Variants in HDAC9 observed in about 807,000 individuals in gnomAD.
HDAC9 encodes histone deacetylase 9.
Under a neutral mutation model 139.4 loss-of-function variants are expected in HDAC9, and 41 were observed. The ratio of observed to expected loss-of-function variants is 0.29; its 90% confidence interval spans 0.23 to 0.38. HDAC9 has a LOEUF of 0.38. HDAC9 is among the 10% of genes least tolerant of loss of function. The pLI is 1.00. For synonymous variants in HDAC9, 517 were observed against 476.2 expected, an observed-to-expected ratio of 1.09 and a Z score of -1.12; for missense variants, 1,147 against 1,297.0, an observed-to-expected ratio of 0.88 and a Z score of 1.78.
chr7:18,939,522 A>T (rs1359590021), intron 23 of HDAC9, among the ~76,000 whole-genome samples: 1 of 152,206 alleles, frequency 6.6e-6, no homozygotes. Context: ...CATTGACAAT[A>T]TAATTTATAA....
At chr7:18,877,481 C>A (rs540056885) in intron 22 of HDAC9, among the ~76,000 whole-genome samples, 1 of 152,096 alleles carries the variant, frequency 6.6e-6, no homozygotes, top group African/African-American at 2.4e-5. Flanking sequence ...AGTTCTTCTC[C>A]CCGTGTTTTC....
intron 12 of HDAC9, among the ~76,000 whole-genome samples, chr7:18,689,233 A>C (rs555450879): frequency 6.6e-6 from 1 of 151,832 alleles, no homozygotes; most frequent in Non-Finnish European, 1.5e-5. Context: ...GCAACTTCCA[A>C]ATGAATACAT....
At chr7:18,322,430 C>T (rs1264219330) in intron 1 of HDAC9, among the ~76,000 whole-genome samples, 2 of 152,100 alleles carry the variant, frequency 1.3e-5, no homozygotes, top group African/African-American at 4.8e-5. Flanking sequence ...ATTTTACCTC[C>T]AAGAGTATAG....
intron 17 of HDAC9, among the ~76,000 whole-genome samples, chr7:18,823,959 C>G (rs1795182608): frequency 6.7e-6 from 1 of 149,532 alleles, no homozygotes; most frequent in Admixed American, 6.7e-5. Flanking sequence ...GCCTGGGTGA[C>G]AGGGCAAGAC....
rs62446979 is a variant in HDAC9, at chr7:18,482,665, C to G, written c.-41-13597C>G. The stretch of plus-strand genomic sequence containing the variant: ...TTATTTATTTTTTTTCTTAGAGAAG[C>G]ATCACACATTTTTAAGACATTTTTT... On this transcript the variant is annotated intron_variant, in intron 1 of 3. Transcript: ENST00000413509. Among the ~76,000 whole-genome samples the G allele has an allele frequency of 4.0e-3, 604 of 151,998 alleles. 2 individuals are homozygous for G. Among genetic ancestry groups the G allele is most frequent in the Admixed American group, 7.1e-3 (109 of 15,260 alleles).
At chr7:18,161,865 C>T (rs1039021561) in intron 1 of HDAC9, among the ~76,000 whole-genome samples, 2 of 152,028 alleles carry the variant, frequency 1.3e-5, no homozygotes, top group African/African-American at 4.8e-5. Flanking sequence ...TAATGAGATA[C>T]TTATATGCAA....
Position 18,748,985 on chromosome 7 carries a change from G to A in HDAC9, c.1910-20G>A. ...TTGTACTGTTACTCAATCTTGTCCT[G>A]TATTTCCCTTGTCTTAAAGGAATTG... is the stretch of plus-strand genomic sequence containing the variant. On this transcript the variant is annotated intron_variant, in intron 13 of 25. Transcript: ENST00000686413. 6.2e-7 allele frequency: 1 copy of A among 1,611,336 alleles called. No homozygotes were observed. The highest frequency in any genetic ancestry group is 8.5e-7 in the Non-Finnish European group (1 of 1,178,224).
chr7:18,877,207 A>G (rs1018307628), intron 22 of HDAC9, among the ~76,000 whole-genome samples: 5 of 152,074 alleles, frequency 3.3e-5, no homozygotes, highest in Non-Finnish European at 5.9e-5. Flanking sequence ...CTGCCCCAAC[A>G]AGTGGGTAGA....
At chr7:18,822,093 C>A (rs1795017198) in intron 17 of HDAC9, among the ~76,000 whole-genome samples, 1 of 152,114 alleles carries the variant, frequency 6.6e-6, no homozygotes, top group African/African-American at 2.4e-5. Flanking sequence ...GTGGAGGTTC[C>A]ATCACATGGG....
At chr7:18,232,291 G>T (rs769677085) in intron 2 of HDAC9, among the ~76,000 whole-genome samples, 1 of 152,158 alleles carries the variant, frequency 6.6e-6, no homozygotes, top group Non-Finnish European at 1.5e-5. Context: ...TCCCAGGGTT[G>T]CAGTGTAATT....
intron 20 of HDAC9, 107 bp from the exon 21 acceptor site, chr7:18,835,793 T>G (rs1350186849): frequency 3.5e-5 from 34 of 964,870 alleles, no homozygotes; most frequent in Non-Finnish European, 5.2e-5. Context: ...TTTGATGTGT[T>G]GTTTGATGTT....
intron 12 of HDAC9, among the ~76,000 whole-genome samples, chr7:18,697,954 G>A (rs1198612190): frequency 6.6e-6 from 1 of 152,108 alleles, no homozygotes; most frequent in East Asian, 1.9e-4. Context: ...GAAGTGTTCA[G>A]TGAACTCTAA....
At chr7:18,255,230 T>A (rs373455544) in intron 2 of HDAC9, among the ~76,000 whole-genome samples, 13 of 152,232 alleles carry the variant, frequency 8.5e-5, no homozygotes, top group East Asian at 5.8e-4. Context: ...ATAGCTGATA[T>A]TCATACACAA....
intron 2 of HDAC9, among the ~76,000 whole-genome samples, chr7:18,583,315 C>T (rs926820044): frequency 3.3e-5 from 5 of 152,122 alleles, no homozygotes; most frequent in Admixed American, 2.0e-4. Flanking sequence ...TTAATAACAT[C>T]TTCAATGTTA....
chr7:18,150,012 A>T (rs1786651115), intron 1 of HDAC9, among the ~76,000 whole-genome samples: 1 of 150,830 alleles, frequency 6.6e-6, no homozygotes, highest in Non-Finnish European at 1.5e-5. Flanking sequence ...CCCATTACTA[A>T]TTCTTGTTGG....
chr7:18,614,548 G>C (rs1838071037), intron 6 of HDAC9, among the ~76,000 whole-genome samples: 1 of 152,068 alleles, frequency 6.6e-6, no homozygotes, highest in Non-Finnish European at 1.5e-5. Context: ...CACAGAGTAA[G>C]TGCTTGGTAA....
Position 18,279,722 on chromosome 7 carries a change from C to A in HDAC9, c.25+117373C>A, listed in dbSNP as rs978839657. Among the ~76,000 whole-genome samples, 4 of 152,172 alleles carry A rather than the reference C, an allele frequency of 2.6e-5. No individual in the cohort carries two copies. In the South Asian group the frequency reaches 8.3e-4, roughly 32 times the overall value. On this transcript the variant is annotated intron_variant, in intron 2 of 12. Transcript: ENST00000417496. ...CTCGTGATCCACCCCCCTCGACCCCCCAAAGTACTGGGATTACAGGGTGAG... is the reference window on the plus strand; with the variant it reads ...CTCGTGATCCACCCCCCTCGACCCCACAAAGTACTGGGATTACAGGGTGAG...
intron 17 of HDAC9, among the ~76,000 whole-genome samples, chr7:18,807,115 G>T (rs1191802443): frequency 4.6e-5 from 7 of 152,106 alleles, no homozygotes; most frequent in African/African-American, 1.4e-4. Context: ...TTAAATTTTT[G>T]ATTCAATCTC....
intron 22 of HDAC9, among the ~76,000 whole-genome samples, chr7:18,880,597 A>G (rs1799661194): frequency 1.3e-5 from 2 of 152,130 alleles, no homozygotes; most frequent in Non-Finnish European, 2.9e-5. Flanking sequence ...TTGGGAGCTA[A>G]ATGATGAACT....
Sources: gnomAD v4.1 joint callset for allele counts (sites outside exome capture counted in the v4.1 genomes callset) on GRCh38, gnomAD v4.1.1 for gene constraint, MANE v1.5 for transcripts, NCBI Gene and HGNC (gene_info 2026-07-23, HGNC 2026-07-21) for gene names.